The following SYT14 variants were observed in gnomAD, a reference collection of about 807,000 sequenced individuals.
SYT14 encodes synaptotagmin 14.
Under a neutral mutation model 74.2 loss-of-function variants are expected in SYT14, and 32 were observed. The observed-to-expected ratio is 0.43, with a 90% CI of 0.33 to 0.58. The LOEUF (loss-of-function observed/expected upper bound fraction) is 0.58, where lower values mean the gene tolerates loss of function less well. SYT14 is among the 20% of genes least tolerant of loss of function. SYT14 has a pLI of 0.05. For synonymous variants in SYT14, 298 were observed against 337.7 expected, an observed-to-expected ratio of 0.88 and a Z score of 1.29; for missense variants, 791 against 981.8, an observed-to-expected ratio of 0.81 and a Z score of 2.60.
Position 210,082,947 on chromosome 1 carries a change from C to T in SYT14, c.1313-11375C>T, listed in dbSNP as rs149335916. On this transcript the variant is annotated intron_variant, in intron 5 of 9. Transcript: ENST00000637265. Reference sequence around the variant, plus strand: ...TACTGGTAGAAAGTTGGTAGCTATACGTGCAGTCTGGTTTGAGTAATGGGT... The same window carrying T: ...TACTGGTAGAAAGTTGGTAGCTATATGTGCAGTCTGGTTTGAGTAATGGGT... Among the ~76,000 whole-genome samples the T allele has an allele frequency of 7.4e-3, 1,121 of 151,608 alleles. 7 individuals are homozygous for T. Among genetic ancestry groups the T allele is most frequent in the African/African-American group, 0.025 (1,053 of 41,388 alleles).
intron 4 of SYT14, among the ~76,000 whole-genome samples, chr1:210,020,552 T>C (rs1298084396): frequency 1.3e-5 from 2 of 152,326 alleles, no homozygotes; most frequent in East Asian, 3.9e-4. Flanking sequence ...GCACTGAGCA[T>C]TATCCGTTTT....
Position 210,159,490 on chromosome 1 carries a change from A to G in SYT14, c.2281+13A>G. On this transcript the variant is annotated intron_variant, in intron 9 of 9. Transcript: ENST00000637265. ...TATATAATCCGAGGTGAGTTCCTGT[A>G]GAGGCTAATTGGATGTTGTCTTTTC... 6.4e-7 allele frequency: 1 copy of G among 1,551,180 alleles called. No individual in the cohort carries two copies. Among genetic ancestry groups the G allele is most frequent in the Non-Finnish European group, 8.7e-7 (1 of 1,146,576 alleles).
At chr1:209,996,848 G>A (rs961621196) in intron 2 of SYT14, among the ~76,000 whole-genome samples, 2 of 152,056 alleles carry the variant, frequency 1.3e-5, no homozygotes, top group Non-Finnish European at 2.9e-5. Context: ...TGCATGAACA[G>A]AATCAAAAGC....
At chr1:210,083,030 G>C (rs2102486286) in intron 5 of SYT14, among the ~76,000 whole-genome samples, 1 of 151,762 alleles carries the variant, frequency 6.6e-6, no homozygotes, top group African/African-American at 2.4e-5. Flanking sequence ...ACCCAAGCTG[G>C]AGTGCAGTGG....
chr1:210,139,258 C>CTTTTTTATTTTTT (rs1558216017), intron 7 of SYT14, among the ~76,000 whole-genome samples: 1 of 99,502 alleles, frequency 1.0e-5, no homozygotes, highest in African/African-American at 3.6e-5. Context: ...GGCTAATTTT[C>CTTTTTTATTTTTT]TTTTTTCTTT....
intron 6 of SYT14, 131 bp from the exon 6 acceptor site, chr1:210,099,881 A>T: frequency 1.1e-6 from 1 of 903,176 alleles, no homozygotes; most frequent in Non-Finnish European, 1.7e-6. Context: ...GTTGACTGTT[A>T]ATTATTATTG....
chr1:209,983,934 T>C (rs1253529195), intron 2 of SYT14, among the ~76,000 whole-genome samples: 1 of 152,226 alleles, frequency 6.6e-6, no homozygotes, highest in Non-Finnish European at 1.5e-5. Flanking sequence ...GAAAAGTCTT[T>C]ATTCCTTCTT....
chr1:209,997,030 A>G (rs1168181381), intron 2 of SYT14, among the ~76,000 whole-genome samples: 1 of 152,056 alleles, frequency 6.6e-6, no homozygotes, highest in African/African-American at 2.4e-5. Context: ...AAAAGCTAGA[A>G]CCTTTCTCCT....
exon 8 of SYT14, chr1:210,155,805 C>G (rs1346618108): frequency 6.2e-7 from 1 of 1,613,838 alleles, no homozygotes; most frequent in Non-Finnish European, 8.5e-7. Context: ...TGGCTCAGTT[C>G]CAGAAATTCT....
chr1:210,090,407 A>AT (rs540187474), intron 5 of SYT14, among the ~76,000 whole-genome samples: 66 of 149,418 alleles, frequency 4.4e-4, no homozygotes, highest in African/African-American at 1.1e-3. Flanking sequence ...AATATACATC[A>AT]TTTTTTTTTT....
chr1:209,975,087 G>T (rs2079334117), intron 2 of SYT14, among the ~76,000 whole-genome samples: 1 of 152,170 alleles, frequency 6.6e-6, no homozygotes, highest in African/African-American at 2.4e-5. Flanking sequence ...TGCTGAAGTT[G>T]CCTATCGGCT....
At chr1:209,944,126 C>A (rs933366253) in intron 1 of SYT14, among the ~76,000 whole-genome samples, 1 of 152,066 alleles carries the variant, frequency 6.6e-6, no homozygotes, top group African/African-American at 2.4e-5. Context: ...AAATTATCTT[C>A]AGTATTCTGA....
chr1:210,073,854 G>A (rs1273231777), intron 5 of SYT14, among the ~76,000 whole-genome samples: 3 of 151,726 alleles, frequency 2.0e-5, no homozygotes, highest in African/African-American at 4.8e-5. Flanking sequence ...TAAAATCTTT[G>A]GTATGTGTTA....
rs1183885685 is a variant in SYT14, at chr1:209,981,450, C to CTTTTTTTTTTTTTTT, written c.-486+28699_-486+28713dup. ...TTCTTTTTCTTTTTCTTTTTCTTTT[C>CTTTTTTTTTTTTTTT]TTTTTTTTTTTTTTTTTTTGAGGCA... On this transcript the variant is annotated intron_variant, in intron 2 of 9. Coordinates refer to ENST00000637265, the Ensembl canonical transcript of SYT14. 6.1e-5 allele frequency among the ~76,000 whole-genome samples: 6 copies of CTTTTTTTTTTTTTTT among 99,050 alleles called. 1 individual carries two copies. The highest frequency in any genetic ancestry group is 5.7e-5 in the Non-Finnish European group (3 of 52,848). The allele number at this position is 99,050 out of a possible 152,430, so 65.0% of individuals were successfully genotyped here.
At chr1:210,051,572 T>G (rs2080996969) in intron 5 of SYT14, among the ~76,000 whole-genome samples, 1 of 152,222 alleles carries the variant, frequency 6.6e-6, no homozygotes. Context: ...ATCATTCCTG[T>G]GTTTTGTTTT....
chr1:209,954,957 C>T (rs539162116), intron 2 of SYT14, among the ~76,000 whole-genome samples: 3 of 152,076 alleles, frequency 2.0e-5, no homozygotes, highest in Non-Finnish European at 4.4e-5. Flanking sequence ...ATGTCCACCT[C>T]GGCCTCCCCA....
intron 5 of SYT14, among the ~76,000 whole-genome samples, chr1:210,069,980 A>G (rs1456461355): frequency 2.6e-5 from 4 of 152,072 alleles, no homozygotes; most frequent in Non-Finnish European, 4.4e-5. Context: ...TTGAAGCAAA[A>G]CATTATTCAC....
chr1:209,939,480 G>A (rs1484463917), intron 1 of SYT14, among the ~76,000 whole-genome samples: 1 of 152,182 alleles, frequency 6.6e-6, no homozygotes, highest in East Asian at 1.9e-4. Flanking sequence ...TTAAGAGAGG[G>A]AGTACCTATT....
chr1:210,010,032 A>G (rs532901095), intron 2 of SYT14, among the ~76,000 whole-genome samples: 5 of 152,278 alleles, frequency 3.3e-5, no homozygotes, highest in African/African-American at 1.2e-4. Flanking sequence ...TTGAACAAAG[A>G]CTAGATTTTA....
Sources: allele counts gnomAD v4.1 joint callset (sites outside exome capture counted in the v4.1 genomes callset), GRCh38; gene constraint gnomAD v4.1.1; transcripts MANE v1.5; gene names NCBI Gene and HGNC (gene_info 2026-07-23, HGNC 2026-07-21).